The following CCDC171 variants were observed in gnomAD, a reference collection of about 807,000 sequenced individuals.
CCDC171 encodes coiled-coil domain containing 171, also known as coiled-coil domain-containing protein 171.
Under a neutral mutation model 168.2 loss-of-function variants are expected in CCDC171, and 177 were observed. The observed-to-expected ratio is 1.05, with a 90% confidence interval of 0.93 to 1.19. The LOEUF is 1.19. Ranked by LOEUF, CCDC171 falls within the 50% of genes most tolerant of loss-of-function variation. The pLI, the probability that CCDC171 is intolerant of heterozygous loss-of-function variation, is 0.00. For synonymous variants in CCDC171, 687 were observed against 540.8 expected (o/e 1.27, Z -3.75); for missense variants, 1,991 against 1,539.0 (o/e 1.29, Z -4.91).
intron 25 of CCDC171, among the ~76,000 whole-genome samples, chr9:15,956,405 A>T (rs1301225414): frequency 6.6e-6 from 1 of 152,176 alleles, no homozygotes; most frequent in Admixed American, 6.6e-5. Context: ...AACTATAAGG[A>T]TCTGCATTTG....
chr9:15,572,293 C>T (rs1193698197), intron 3 of CCDC171, among the ~76,000 whole-genome samples: 1 of 151,908 alleles, frequency 6.6e-6, no homozygotes, highest in African/African-American at 2.4e-5. Context: ...TATCTTTATG[C>T]CTCTTCTCTC....
At chr9:15,718,656 G>A (rs76709422) in intron 11 of CCDC171, among the ~76,000 whole-genome samples, 2,700 of 152,294 alleles carry the variant, frequency 0.018, 101 homozygotes, top group African/African-American at 0.061. Context: ...GTAAGAGAAG[G>A]CAACAAGAGT....
At chr9:15,603,471 T>C (rs745885423) in intron 6 of CCDC171, among the ~76,000 whole-genome samples, 1 of 152,220 alleles carries the variant, frequency 6.6e-6, no homozygotes, top group Non-Finnish European at 1.5e-5. Flanking sequence ...GTTCTCATTG[T>C]TCAGTTCCCA....
At chr9:16,057,351 A>C (rs1319166397) in intron 1 of CCDC171, among the ~76,000 whole-genome samples, 3 of 152,256 alleles carry the variant, frequency 2.0e-5, no homozygotes, top group Non-Finnish European at 2.9e-5. Flanking sequence ...ACAGTTTCTG[A>C]TAAACGGTAG....
chr9:15,587,621 A>G, intron 4 of CCDC171: 1 of 456,632 alleles, frequency 2.2e-6, no homozygotes, highest in South Asian at 1.5e-5. Context: ...TTCCCAATAA[A>G]TGAGCCATCC....
intron 3 of CCDC171, among the ~76,000 whole-genome samples, chr9:15,995,930 A>G (rs1832355832): frequency 6.6e-6 from 1 of 152,138 alleles, no homozygotes; most frequent in African/African-American, 2.4e-5. Context: ...AGCTTTGTGC[A>G]GTGTTTTTCT....
At chr9:15,970,803 C>T (rs58560672) in intron 25 of CCDC171, among the ~76,000 whole-genome samples, 8,022 of 152,024 alleles carry the variant, frequency 0.053, 718 homozygotes, top group African/African-American at 0.18. Context: ...TTTATCAAAA[C>T]AGGGTGGTAT....
intron 3 of CCDC171, among the ~76,000 whole-genome samples, chr9:15,572,031 A>T (rs2040264847): frequency 6.6e-6 from 1 of 152,176 alleles, no homozygotes; most frequent in Admixed American, 6.5e-5. Flanking sequence ...AACATGTTTG[A>T]TGATTAAAGG....
intron 3 of CCDC171, among the ~76,000 whole-genome samples, chr9:15,995,982 C>T (rs1832357827): frequency 6.6e-6 from 1 of 152,098 alleles, no homozygotes; most frequent in African/African-American, 2.4e-5. Context: ...GCATAAAACC[C>T]CAGTAGTTTA....
intron 6 of CCDC171, among the ~76,000 whole-genome samples, chr9:15,604,441 GA>G (rs1420164547): frequency 6.6e-6 from 1 of 152,124 alleles, no homozygotes. Flanking sequence ...CAGTGGGATT[GA>G]AAACATTTAG....
chr9:15,865,513 C>T (rs1162687955), intron 23 of CCDC171, among the ~76,000 whole-genome samples: 2 of 151,978 alleles, frequency 1.3e-5, no homozygotes, highest in African/African-American at 4.8e-5. Context: ...AACCCCTCCT[C>T]TTCCTTCTCC....
chr9:15,653,473 A>G (rs184365683), intron 7 of CCDC171, among the ~76,000 whole-genome samples: 20 of 151,722 alleles, frequency 1.3e-4, no homozygotes, highest in Admixed American at 1.3e-3. Context: ...TAATGATACC[A>G]TTGCCATACT....
chr9:16,015,055 A>T (rs1342253906), intron 3 of CCDC171, among the ~76,000 whole-genome samples: 2 of 152,138 alleles, frequency 1.3e-5, no homozygotes, highest in Non-Finnish European at 2.9e-5. Context: ...AACATGGCAC[A>T]TGTATACATA....
At chr9:15,778,642 T>TG (rs2057479308) in intron 19 of CCDC171, among the ~76,000 whole-genome samples, 1 of 5,774 alleles carries the variant, frequency 1.7e-4, no homozygotes, top group East Asian at 0.019. Context: ...TAAGACTGTC[T>TG]CAAAAAAAAA....
the CCDC171 span, among the ~76,000 whole-genome samples, chr9:16,099,154 T>G: frequency 6.6e-6 from 1 of 152,238 alleles, no homozygotes; most frequent in Non-Finnish European, 1.5e-5. Context: ...AAGGCTTATT[T>G]AAAACATCAA....
intron 7 of CCDC171, among the ~76,000 whole-genome samples, chr9:15,628,914 C>A (rs1206979875): frequency 6.6e-6 from 1 of 152,198 alleles, no homozygotes; most frequent in African/African-American, 2.4e-5. Flanking sequence ...GGTACCCAGG[C>A]AAACAGAGTC....
the CCDC171 span, among the ~76,000 whole-genome samples, chr9:16,078,556 A>G: frequency 6.6e-6 from 1 of 152,148 alleles, no homozygotes; most frequent in Non-Finnish European, 1.5e-5. Context: ...AGTTTTAGTG[A>G]TTTGATTTGA....
chr9:15,723,158 A>G (rs1218761046), intron 12 of CCDC171, among the ~76,000 whole-genome samples: 1 of 152,168 alleles, frequency 6.6e-6, no homozygotes, highest in Non-Finnish European at 1.5e-5. Context: ...AAAGAAAATA[A>G]ATCACAAGCG....
chr9:15,933,003 G>A (rs1207974061), intron 25 of CCDC171, among the ~76,000 whole-genome samples: 2 of 151,930 alleles, frequency 1.3e-5, no homozygotes, highest in Non-Finnish European at 2.9e-5. Flanking sequence ...ATAGTATCTT[G>A]TTGAGAAAGT....
Sources: gnomAD v4.1 joint callset for allele counts (sites outside exome capture counted in the v4.1 genomes callset) on GRCh38, gnomAD v4.1.1 for gene constraint, MANE v1.5 for transcripts, NCBI Gene and HGNC (gene_info 2026-07-23, HGNC 2026-07-21) for gene names.